RNF213: variants seen among roughly 807,000 people sequenced by gnomAD.
RNF213 encodes the protein ring finger protein 213.
In RNF213, 341 loss-of-function variants were observed where a neutral mutation model predicts 514.4. The ratio of observed to expected loss-of-function variants is 0.66; its 90% CI spans 0.61 to 0.73. The LOEUF is 0.73. RNF213 is among the 30% of genes least tolerant of loss of function. RNF213 has a pLI of 0.00. For synonymous variants in RNF213, 2,655 were observed against 2,658.2 expected (o/e 1.00, Z 0.04); for missense variants, 5,767 against 6,615.6 (o/e 0.87, Z 4.45).
In RNF213 at chr17:80,339,464, T is replaced by C; in HGVS notation, c.5097T>C (p.Phe1699=). 6.5e-7 allele frequency: 1 copy of C among 1,537,160 alleles called. No homozygotes were observed. Among genetic ancestry groups the C allele is most frequent in the Admixed American group, 2.0e-5 (1 of 50,986 alleles). Reference sequence around the variant, plus strand: ...TGACCCAGAAGCGAATGGAGCACTTTTACCTGAACTTCTACACGGCAGAGC... The same window carrying C: ...TGACCCAGAAGCGAATGGAGCACTTCTACCTGAACTTCTACACGGCAGAGC... ...RFVTQKRMEH[F]YLNFYTAEQL... The change falls in exon 26 of 68, where the codon TTT becomes TTC. Residue 1699 remains phenylalanine (F), a synonymous_variant. Coordinates refer to ENST00000582970, the MANE Select transcript of RNF213 (RefSeq NM_001256071.3).
chr17:80,354,905 T>C (rs778062160), intron 36 of RNF213: 14 of 393,164 alleles, frequency 3.6e-5, no homozygotes, highest in South Asian at 6.5e-5. Context: ...TTTTCAGTCA[T>C]GAAGTTAAAA....
At position 80,295,008 on chromosome 17, in the gene RNF213, C is replaced by A; in HGVS notation, c.1755+5C>A. 6.2e-7 allele frequency: 1 copy of A among 1,613,998 alleles called. No individual in the cohort carries two copies. ...TTGCAGTACAGGGAGAAAGAGGTAT[C>A]AGGCTTGCCACCAGCTGCTCTACCT... On this transcript the variant is annotated splice_donor_5th_base_variant and intron_variant, in intron 9 of 67. Transcript: ENST00000582970.
At chr17:80,313,282 GC>G in intron 15 of RNF213, 115 bp downstream of exon 15, 1 of 1,336,246 alleles carries the variant, frequency 7.5e-7, no homozygotes, top group Non-Finnish European at 1.1e-6. Context: ...CTTCACCTGA[GC>G]CTCAGTTCTT....
chr17:80,287,667 C>T, intron 3 of RNF213, 148 bp from the exon 4 acceptor site: 174 of 414,892 alleles, frequency 4.2e-4, no homozygotes, highest in South Asian at 8.8e-4. Context: ...TTCATTCTTT[C>T]CAGGAAATTG....
chr17:80,368,054 G>A lies in RNF213; in HGVS notation c.12066G>A (p.Arg4022=), dbSNP rs756493563. 5.6e-6 allele frequency: 9 copies of A among 1,614,128 alleles called. No individual in the cohort carries two copies. The highest frequency in any genetic ancestry group is 5.1e-6 in the Non-Finnish European group (6 of 1,180,054). ...CDHVHCLRCL[R]AWFASEQMIC... is the part of the protein sequence containing the mutation. ...ACGTGCACTGCCTGCGCTGCCTCAG[G>A]GCCTGGTTTGCCTCAGAGCAGATGA... The change falls in exon 44 of 68, where the codon AGG becomes AGA. Residue 4022 remains arginine, a synonymous_variant. Coordinates refer to ENST00000582970, the MANE Select transcript of RNF213 (RefSeq NM_001256071.3).
chr17:80,348,978 G>C (rs1041610728), intron 29 of RNF213, among the ~76,000 whole-genome samples: 1 of 152,200 alleles, frequency 6.6e-6, no homozygotes, highest in Non-Finnish European at 1.5e-5. Flanking sequence ...CTGATGAAAG[G>C]CTGTTGTGGA....
intron 19 of RNF213, 117 bp downstream of exon 19, chr17:80,328,106 A>G: frequency 7.9e-7 from 1 of 1,260,262 alleles, no homozygotes; most frequent in South Asian, 1.4e-5. Flanking sequence ...CTTGATAATG[A>G]GTATCTCTTC....
rs2045984439 is a variant in RNF213, at chr17:80,317,429, C to T, written c.2901+152C>T. ...CCGTGTTTCTGTTTCTGATCCAGCC[C>T]TTATAGTCTGTCCCTAGAAGAGCGC... On this transcript the variant is annotated intron_variant, in intron 16 of 67. Coordinates refer to ENST00000582970, the MANE Select transcript of RNF213 (RefSeq NM_001256071.3). The surrounding 1 kb of genome is among the most constrained non-coding windows in gnomAD (Gnocchi z 4.1). 3 of 759,552 alleles carry T rather than the reference C, an allele frequency of 3.9e-6. No individual in the cohort carries two copies. Among genetic ancestry groups the T allele is most frequent in the South Asian group, 1.5e-5 (1 of 67,054 alleles). The allele number at this position is 759,552 out of a possible 1,614,324, so 47.1% of individuals were successfully genotyped here. A position where few individuals can be genotyped will look rare whatever the true frequency, so the allele number is the denominator to read the frequency against.
At chr17:80,372,893 G>T (rs762168202) in intron 48 of RNF213, 82 bp from the exon 49 acceptor site, 2 of 1,462,938 alleles carry the variant, frequency 1.4e-6, no homozygotes, top group Non-Finnish European at 1.9e-6. Flanking sequence ...GGGTAGGTCC[G>T]ATGCCCTCTG....
In RNF213 at chr17:80,388,718, C is replaced by T. The variant is rs377349704; in HGVS notation, c.15000+29C>T. 1.3e-4 allele frequency: 192 copies of T among 1,507,774 alleles called. No individual in the cohort carries two copies. In the African/African-American group the frequency reaches 2.1e-3, roughly 17 times the overall value. The allele number at this position is 1,507,774 out of a possible 1,614,324, so 93.4% of individuals were successfully genotyped here. On this transcript the variant is annotated intron_variant, in intron 64 of 67. Transcript: ENST00000582970. ...ATCCCGATAAACCTGATCCTGTGCA[C>T]GGGGCTTTCTGCCTTCTCAGTGTGT...
intron 2 of RNF213, among the ~76,000 whole-genome samples, chr17:80,266,017 G>C (rs780507607): frequency 3.9e-5 from 6 of 152,170 alleles, no homozygotes; most frequent in Non-Finnish European, 7.4e-5. Flanking sequence ...AGTTCCAAAT[G>C]ATATAAAGTT....
At chr17:80,382,221 T>A (rs1184198813) in intron 57 of RNF213, 1 of 158,526 alleles carries the variant, frequency 6.3e-6, no homozygotes, top group Non-Finnish European at 1.4e-5. Flanking sequence ...TTGTATTCAC[T>A]GAGCTAACTT....
At chr17:80,344,126 T>A in intron 28 of RNF213, 111 bp downstream of exon 28, 1 of 1,138,836 alleles carries the variant, frequency 8.8e-7, no homozygotes, top group Non-Finnish European at 1.3e-6. Flanking sequence ...CCTTACTTAG[T>A]GCAGCAGCTG....
rs2078655874 is a variant in RNF213 at position 80,354,471 on chromosome 17, T to C, written c.10757T>C (p.Leu3586Pro). The stretch of plus-strand genomic sequence containing the variant: ...TTCTTGCGGGTATCCAAGATGCGCC[T>C]CAGTGTCTTTTTAAAGAAGCAAGAA... ...ASFLRVSKMRLSVFLKKQEES... is the reference protein window; with the variant it reads ...ASFLRVSKMRPSVFLKKQEES... Residue 3586 changes from leucine (L) to proline (P), a missense_variant, in exon 36 of 68, where the codon CTC becomes CCC. Transcript: ENST00000582970. 1.9e-6 allele frequency: 3 copies of C among 1,614,180 alleles called. No individual in the cohort carries two copies. Among genetic ancestry groups the C allele is most frequent in the Non-Finnish European group, 2.5e-6 (3 of 1,180,034 alleles).
intron 3 of RNF213, among the ~76,000 whole-genome samples, chr17:80,285,754 T>C (rs1598919787): frequency 6.6e-6 from 1 of 151,204 alleles, no homozygotes; most frequent in East Asian, 2.0e-4. Context: ...GACCGCAGCC[T>C]CTGCCTCCCG....
chr17:80,325,293 C>G, intron 18 of RNF213, 95 bp downstream of exon 18: 1 of 1,261,456 alleles, frequency 7.9e-7, no homozygotes, highest in Non-Finnish European at 1.1e-6. Context: ...CATGATGATA[C>G]TGAATTGGGA....
rs2080084893 is a variant in RNF213 at position 80,383,022 on chromosome 17, G to A, written c.14022G>A (p.Arg4674=). The change falls in exon 58 of 68, where the codon AGG becomes AGA. Residue 4674 remains arginine (R), a synonymous_variant. Transcript: ENST00000582970. The part of the protein sequence containing the change: ...FDTELSTKEM[R]NNWEKEIAAV... ...CAGAATTGTCAACTAAAGAAATGAG[G>A]AACAACTGGGAAAAGGAAATCGCAG... 5.0e-6 allele frequency: 8 copies of A among 1,613,886 alleles called. No homozygotes were observed. The highest frequency in any genetic ancestry group is 4.5e-5 in the East Asian group (2 of 44,894).
intron 42 of RNF213, among the ~76,000 whole-genome samples, chr17:80,367,202 C>T (rs1439874202): frequency 1.3e-5 from 2 of 152,106 alleles, no homozygotes; most frequent in African/African-American, 4.8e-5. Flanking sequence ...AAAATAATAA[C>T]TCCATGTTCA....
chr17:80,384,668 C>G (rs1200332969), intron 59 of RNF213, among the ~76,000 whole-genome samples: 2 of 152,138 alleles, frequency 1.3e-5, no homozygotes, highest in East Asian at 3.9e-4. Flanking sequence ...GAAGGACACC[C>G]AGGAATAAGG....
Sources: gnomAD v4.1 joint callset for allele counts (sites outside exome capture counted in the v4.1 genomes callset) on GRCh38, gnomAD v4.1.1 for gene constraint, Gnocchi (gnomAD v3.1) non-coding constraint, MANE v1.5 for transcripts, NCBI Gene and HGNC (gene_info 2026-07-23, HGNC 2026-07-21) for gene names.